LRP1: variants seen among roughly 807,000 people sequenced by gnomAD.
LRP1 encodes LDL receptor related protein 1.
LRP1 carries 51 observed loss-of-function variants against 541.5 expected under a neutral mutation model. The ratio of observed to expected loss-of-function variants is 0.09; its 90% CI spans 0.08 to 0.12. The LOEUF is 0.12. Among genes scored for constraint, LRP1 ranks in the 10% least tolerant of loss-of-function variants. LRP1 has a pLI of 1.00. For synonymous variants in LRP1, 2,219 were observed against 2,470.8 expected (o/e 0.90, Z 3.02); for missense variants, 3,878 against 6,376.2 (o/e 0.61, Z 13.34).
chr12:57,212,837 C>G lies in LRP1; in HGVS notation c.*282C>G. ...CTCCTACCCTCCCACCAGAACGCAC[C>G]CCACTGGGAGAGCTGGTGGTGCAGC... On this transcript the variant is annotated 3_prime_UTR_variant, in exon 89 of 89. Coordinates refer to ENST00000243077, the MANE Select transcript of LRP1 (RefSeq NM_002332.3). The surrounding 1 kb of genome is among the most constrained non-coding windows in gnomAD (Gnocchi z 5.0). The G allele has an allele frequency of 2.6e-6, 1 of 379,338 alleles. No individual in the cohort carries two copies. The highest frequency in any genetic ancestry group is 3.8e-5 in the South Asian group (1 of 26,436). The allele number at this position is 379,338 out of a possible 1,614,324, so 23.5% of individuals were successfully genotyped here. A position where few individuals can be genotyped will look rare whatever the true frequency, so the allele number is the denominator to read the frequency against.
At chr12:57,191,754 A>AACACATACACACACATAC (rs1198897859) in intron 44 of LRP1, among the ~76,000 whole-genome samples, 8 of 116,120 alleles carry the variant, frequency 6.9e-5, no homozygotes, top group Admixed American at 5.6e-4. Context: ...ATACACCCCC[A>AACACATACACACACATAC]ACACATACAC....
intron 20 of LRP1, among the ~76,000 whole-genome samples, chr12:57,172,024 C>T (rs1354783803): frequency 2.0e-5 from 3 of 151,854 alleles, no homozygotes; most frequent in Non-Finnish European, 4.4e-5. Context: ...CCCTCCCCTC[C>T]CCCTGCACTC....
chr12:57,145,149 C>T (rs1439326571), intron 5 of LRP1, 49 bp downstream of exon 5: 2 of 1,613,426 alleles, frequency 1.2e-6, no homozygotes, highest in African/African-American at 2.7e-5. Flanking sequence ...CCCCTCAATG[C>T]TGTTCCCTGG....
In LRP1 at chr12:57,183,401, C is replaced by T. The variant is rs761098504; in HGVS notation, c.5685C>T (p.Tyr1895=). 9.3e-6 allele frequency: 15 copies of T among 1,613,276 alleles called. No homozygotes were observed. Among genetic ancestry groups the T allele is most frequent in the Admixed American group, 3.3e-5 (2 of 59,978 alleles). The change falls in exon 35 of 89, where the codon TAC becomes TAT. Residue 1895 remains tyrosine (Y), a synonymous_variant. Coordinates refer to ENST00000243077, the MANE Select transcript of LRP1 (RefSeq NM_002332.3). This position sits in a 1 kb window ranked among gnomAD's most constrained non-coding sequence, Gnocchi z 6.1. The part of the protein sequence containing the change: ...ACEGVGSFLL[Y]SVHEGIRGIP... The stretch of plus-strand genomic sequence containing the variant: ...CAGGCGTAGGTTCCTTTCTCCTGTA[C>T]TCTGTGCATGAGGGAATCAGGGGAA...
rs576302494 is a variant in LRP1, at chr12:57,197,978, G to A, written c.9283-178G>A. 6.6e-6 allele frequency among the ~76,000 whole-genome samples: 1 copy of A among 152,290 alleles called. No homozygotes were observed. The highest frequency in any genetic ancestry group is 2.1e-4 in the South Asian group (1 of 4,826). ...TAGAGCCCCCTCTCCTAGAGCCTCTGCTGACACCTACACAGTGTCAGGCCC... is the reference window on the plus strand; with the variant it reads ...TAGAGCCCCCTCTCCTAGAGCCTCTACTGACACCTACACAGTGTCAGGCCC... On this transcript the variant is annotated intron_variant, in intron 58 of 88. Coordinates refer to ENST00000243077, the MANE Select transcript of LRP1 (RefSeq NM_002332.3). The surrounding 1 kb of genome is among the most constrained non-coding windows in gnomAD (Gnocchi z 4.5).
rs566934284 is a variant in LRP1, at chr12:57,204,274, T to G, written c.10952-136T>G. On this transcript the variant is annotated intron_variant, in intron 70 of 88. Transcript: ENST00000243077. This position sits in a 1 kb window ranked among gnomAD's most constrained non-coding sequence, Gnocchi z 5.3. ...CAGTTTGGCCCCACCAAGTAGAAAT[T>G]TAAGAGACCTGGTTCCAATTTGGCT... is the stretch of plus-strand genomic sequence containing the variant. The G allele has an allele frequency of 6.2e-4, 675 of 1,088,292 alleles. 1 individual carries two copies. The highest frequency in any genetic ancestry group is 7.8e-4 in the Non-Finnish European group (616 of 790,552). 67.4% of individuals were successfully genotyped at this position (1,088,292 alleles called of 1,614,324 possible).
rs749560671 is a variant in LRP1 at position 57,204,405 on chromosome 12, A to T, written c.10952-5A>T. On this transcript the variant is annotated splice_polypyrimidine_tract_variant and splice_region_variant and intron_variant, in intron 70 of 88. Coordinates refer to ENST00000243077, the MANE Select transcript of LRP1 (RefSeq NM_002332.3). The surrounding 1 kb of genome is among the most constrained non-coding windows in gnomAD (Gnocchi z 5.3). The stretch of plus-strand genomic sequence containing the variant: ...ATTCTATCTCTTGGCTCCCCCTGGC[A>T]CCAGTGCGGACCTGCCCCCTGGACG... The T allele has an allele frequency of 1.2e-5, 18 of 1,519,788 alleles. No homozygotes were observed. Among genetic ancestry groups the T allele is most frequent in the Non-Finnish European group, 6.2e-6 (7 of 1,132,548 alleles). The allele number at this position is 1,519,788 out of a possible 1,614,324, so 94.1% of individuals were successfully genotyped here. A position where few individuals can be genotyped will look rare whatever the true frequency, so the allele number is the denominator to read the frequency against.
chr12:57,170,147 A>G (rs1163397640), intron 20 of LRP1, among the ~76,000 whole-genome samples: 2 of 152,192 alleles, frequency 1.3e-5, no homozygotes, highest in Non-Finnish European at 2.9e-5. Flanking sequence ...CTTCATCTTC[A>G]CACGGTGTCC....
rs1395162958 is a variant in LRP1, at chr12:57,211,773, C to T, written c.13217C>T (p.Pro4406Leu). ...AGGTGCCCACCCCACATGACAGGGC[C>T]CCGGTGTGAGGAGCACGTCTTCAGC... The part of the protein sequence containing the change: ...ECQCPPHMTG[P>L]RCEEHVFSQQ... Residue 4406 changes from proline (P) to leucine (L), a missense_variant, in exon 86 of 89, where the codon CCC becomes CTC. Coordinates refer to ENST00000243077, the MANE Select transcript of LRP1 (RefSeq NM_002332.3). This position sits in a 1 kb window ranked among gnomAD's most constrained non-coding sequence, Gnocchi z 4.3. The T allele has an allele frequency of 1.2e-6, 2 of 1,613,162 alleles. No individual in the cohort carries two copies. Among genetic ancestry groups the T allele is most frequent in the East Asian group, 2.2e-5 (1 of 44,876 alleles).
Position 57,183,648 on chromosome 12 carries a change from C to T in LRP1, c.5795-127C>T. ...CTTGCTACAGCTGCCACCCTGACTC[C>T]ACCTCCCCTTCAAGCACCTGGCCCC... On this transcript the variant is annotated intron_variant, in intron 35 of 88. Coordinates refer to ENST00000243077, the MANE Select transcript of LRP1 (RefSeq NM_002332.3). The surrounding 1 kb of genome is among the most constrained non-coding windows in gnomAD (Gnocchi z 6.1). 4 of 1,487,024 alleles carry T rather than the reference C, an allele frequency of 2.7e-6. No individual in the cohort carries two copies. Among genetic ancestry groups the T allele is most frequent in the Admixed American group, 3.8e-5 (2 of 52,374 alleles). 92.1% of individuals were successfully genotyped at this position (1,487,024 alleles called of 1,614,324 possible).
At chr12:57,138,649 GGGA>G (rs2035223834) in intron 2 of LRP1, 68 bp downstream of exon 2, 1 of 1,591,222 alleles carries the variant, frequency 6.3e-7, no homozygotes, top group Non-Finnish European at 8.6e-7. Context: ...GCAGATGTTT[GGGA>G]GGAGGACAGC....
Position 57,209,207 on chromosome 12 carries a change from C to G in LRP1, c.12262+8C>G, listed in dbSNP as rs933318360. 2 of 1,609,764 alleles carry G rather than the reference C, an allele frequency of 1.2e-6. No homozygotes were observed. The highest frequency in any genetic ancestry group is 2.7e-5 in the African/African-American group (2 of 74,952). On this transcript the variant is annotated splice_region_variant and intron_variant, in intron 79 of 88. Coordinates refer to ENST00000243077, the MANE Select transcript of LRP1 (RefSeq NM_002332.3). ...CTGCTGACAGCAAACGAGGTCAGAG[C>G]CCGGCATAAGTCGCAGTCCCCAGCC...
intron 76 of LRP1, among the ~76,000 whole-genome samples, chr12:57,207,709 A>C (rs2036815186): frequency 6.6e-6 from 1 of 152,244 alleles, no homozygotes; most frequent in Non-Finnish European, 1.5e-5. Flanking sequence ...CATGATGGGC[A>C]GGCAGACAGC....
rs780650833 is a variant in LRP1, at chr12:57,191,009, T to C, written c.7236T>C (p.Tyr2412=). 2.3e-5 allele frequency: 37 copies of C among 1,609,476 alleles called. No individual in the cohort carries two copies. Among genetic ancestry groups the C allele is most frequent in the Admixed American group, 3.3e-5 (2 of 59,938 alleles). Residue 2412 remains tyrosine, a splice_region_variant and synonymous_variant, in exon 43 of 89, where the codon TAT becomes TAC. Transcript: ENST00000243077. ...GCGAGTATGACGGCTCCCACCGCTA[T>C]GTGAGTCTGCGGGGTGGGTGAGCTG... The part of the protein sequence containing the change: ...ERCEYDGSHR[Y]VILKSEPVHP...
rs1255246023 is a variant in LRP1, at chr12:57,194,441, C to G, written c.8006C>G (p.Pro2669Arg). The G allele has an allele frequency of 6.4e-7, 1 of 1,554,530 alleles. No homozygotes were observed. Among genetic ancestry groups the G allele is most frequent in the African/African-American group, 1.4e-5 (1 of 73,212 alleles). The change falls in exon 49 of 89, where the codon CCC becomes CGC. Residue 2669 changes from proline (P) to arginine (R), a missense_variant. Coordinates refer to ENST00000243077, the MANE Select transcript of LRP1 (RefSeq NM_002332.3). The stretch of plus-strand genomic sequence containing the variant: ...GAGCGGACCTCACTCTGCTACGCAC[C>G]CAGCTGGGTGTGTGATGGCGCCAAT... ...PCERTSLCYA[P>R]SWVCDGANDC... is the part of the protein sequence containing the mutation.
In LRP1 at chr12:57,201,740, G is replaced by A; in HGVS notation, c.10469-40G>A. ...TCCCCACCCTCCCGGCACACTCCTG[G>A]AAGGAGTCTCATCCTCACCCCATGC... On this transcript the variant is annotated intron_variant, in intron 66 of 88. Coordinates refer to ENST00000243077, the MANE Select transcript of LRP1 (RefSeq NM_002332.3). The surrounding 1 kb of genome is among the most constrained non-coding windows in gnomAD (Gnocchi z 6.4). 1 of 1,610,666 alleles carries A rather than the reference G, an allele frequency of 6.2e-7. No homozygotes were observed. The highest frequency in any genetic ancestry group is 1.3e-5 in the African/African-American group (1 of 74,956).
chr12:57,185,635 G>A lies in LRP1; in HGVS notation c.6568G>A (p.Asp2190Asn). ...CTGTGCCCACGGGATGCTGGCTGAAGACGGAGCATCGTGCCGCGAGTATGC... is the reference window on the plus strand; with the variant it reads ...CTGTGCCCACGGGATGCTGGCTGAAAACGGAGCATCGTGCCGCGAGTATGC... Reference protein sequence around the residue: ...CACAHGMLAEDGASCREYAGY... With the variant: ...CACAHGMLAENGASCREYAGY... Residue 2190 changes from aspartate (D) to asparagine (N), a missense_variant, in exon 41 of 89, where the codon GAC becomes AAC. By Grantham distance (23) the Asp-to-Asn change is conservative. Coordinates refer to ENST00000243077, the MANE Select transcript of LRP1 (RefSeq NM_002332.3). The surrounding 1 kb of genome is among the most constrained non-coding windows in gnomAD (Gnocchi z 4.9). 6.2e-7 allele frequency: 1 copy of A among 1,612,194 alleles called. No individual in the cohort carries two copies. The highest frequency in any genetic ancestry group is 8.5e-7 in the Non-Finnish European group (1 of 1,179,928).
At position 57,183,497 on chromosome 12, in the gene LRP1, C is replaced by G; in HGVS notation, c.5781C>G (p.Ile1927Met). ...CCGGGACCTCGCTGGCTGTCGGCAT[C>G]GACTTCCACGCTGGTGAGCCATTTG... The part of the protein sequence containing the change: ...PVSGTSLAVG[I>M]DFHAENDTIY... Residue 1927 changes from isoleucine (I) to methionine (M), a missense_variant, in exon 35 of 89, where the codon ATC becomes ATG. Ile to Met is a conservative substitution (Grantham distance 10, BLOSUM62 1). This residue lies in a region of LRP1 where 394 missense variants were observed against 635.9 expected (regional missense o/e 0.62). Coordinates refer to ENST00000243077, the MANE Select transcript of LRP1 (RefSeq NM_002332.3). This position sits in a 1 kb window ranked among gnomAD's most constrained non-coding sequence, Gnocchi z 6.1. The G allele has an allele frequency of 6.2e-7, 1 of 1,613,576 alleles. No individual in the cohort carries two copies. The highest frequency in any genetic ancestry group is 1.7e-5 in the Admixed American group (1 of 59,982).
At position 57,183,852 on chromosome 12, in the gene LRP1, G is replaced by A; in HGVS notation, c.5872G>A (p.Asp1958Asn). 1 of 1,614,208 alleles carries A rather than the reference G, an allele frequency of 6.2e-7. No individual in the cohort carries two copies. The change falls in exon 36 of 89, where the codon GAC becomes AAC. Residue 1958 changes from aspartate to asparagine, a missense_variant. By Grantham distance (23) the Asp-to-Asn change is conservative (BLOSUM62 1). This residue lies in a region of LRP1 where 394 missense variants were observed against 635.9 expected (regional missense o/e 0.62). Coordinates refer to ENST00000243077, the MANE Select transcript of LRP1 (RefSeq NM_002332.3). The surrounding 1 kb of genome is among the most constrained non-coding windows in gnomAD (Gnocchi z 6.1). ...CAAGCGGGACCAGACGTGGCGTGAA[G>A]ACGTGGTGACCAATGGCATTGGCCG... is the stretch of plus-strand genomic sequence containing the variant. Reference protein sequence around the residue: ...RAKRDQTWREDVVTNGIGRVE... With the variant: ...RAKRDQTWRENVVTNGIGRVE...
Sources: gnomAD v4.1 joint callset for allele counts (sites outside exome capture counted in the v4.1 genomes callset) on GRCh38, gnomAD v4.1.1 for gene constraint, gnomAD v4.1.1 regional missense constraint, Gnocchi (gnomAD v3.1) non-coding constraint, MANE v1.5 for transcripts, NCBI Gene and HGNC (gene_info 2026-07-23, HGNC 2026-07-21) for gene names.